Variants in DOCK3 observed in about 807,000 individuals in gnomAD.
The protein encoded by DOCK3 is dedicator of cytokinesis protein 3.
A neutral mutation model predicts 265.6 loss-of-function variants in DOCK3; 60 were observed. The observed-to-expected ratio is 0.23, with a 90% confidence interval of 0.18 to 0.28. The LOEUF is 0.28. DOCK3 is among the 10% of genes least tolerant of loss of function. DOCK3 has a pLI of 1.00. For synonymous variants in DOCK3, 881 were observed against 938.0 expected (o/e 0.94, Z 1.11); for missense variants, 1,981 against 2,594.3 (o/e 0.76, Z 5.14).
At chr3:51,152,629 G>A (rs1435711312) in intron 10 of DOCK3, among the ~76,000 whole-genome samples, 2 of 152,138 alleles carry the variant, frequency 1.3e-5, no homozygotes, top group African/African-American at 2.4e-5. Context: ...CATCTTTGTG[G>A]TTTTATCTAA....
At chr3:51,025,918 C>T (rs1288533813) in intron 5 of DOCK3, among the ~76,000 whole-genome samples, 1 of 152,152 alleles carries the variant, frequency 6.6e-6, no homozygotes, top group Non-Finnish European at 1.5e-5. Context: ...CAGAGGCAGA[C>T]TCTCCCCTTC....
At chr3:51,189,675 G>C (rs1158545095) in intron 12 of DOCK3, among the ~76,000 whole-genome samples, 1 of 152,148 alleles carries the variant, frequency 6.6e-6, no homozygotes, top group Admixed American at 6.5e-5. Flanking sequence ...TGGGCACTTA[G>C]GTTGGTTCCA....
chr3:51,118,440 T>C (rs761003279), intron 9 of DOCK3, among the ~76,000 whole-genome samples: 4 of 152,178 alleles, frequency 2.6e-5, no homozygotes, highest in Non-Finnish European at 5.9e-5. Context: ...TTCTGTTGAT[T>C]TGGGGTAGAG....
chr3:50,704,492 A>G (rs574316681), intron 1 of DOCK3, among the ~76,000 whole-genome samples: 9 of 152,322 alleles, frequency 5.9e-5, no homozygotes, highest in African/African-American at 2.2e-4. Flanking sequence ...GTCTCATTAT[A>G]TAAGTATAAA....
At chr3:51,360,366 G>T in intron 46 of DOCK3, 145 bp from the exon 47 acceptor site, 1 of 1,084,138 alleles carries the variant, frequency 9.2e-7, no homozygotes, top group Non-Finnish European at 1.3e-6. Context: ...ATTGCCCAAA[G>T]GAAGTCAGCA....
chr3:50,996,836 C>T (rs189441796), intron 5 of DOCK3, among the ~76,000 whole-genome samples: 28 of 152,236 alleles, frequency 1.8e-4, no homozygotes, highest in Admixed American at 3.9e-4. Context: ...TGGTTCTGAT[C>T]GCATTTAGAA....
chr3:51,273,549 C>CT (rs1185176502), intron 24 of DOCK3, among the ~76,000 whole-genome samples: 2 of 152,316 alleles, frequency 1.3e-5, no homozygotes, highest in South Asian at 4.1e-4. Context: ...GTTACAAAAA[C>CT]TAAGTATGTT....
intron 3 of DOCK3, among the ~76,000 whole-genome samples, chr3:50,868,354 A>T (rs1045873614): frequency 6.6e-6 from 1 of 151,966 alleles, no homozygotes; most frequent in South Asian, 2.1e-4. Context: ...TTACAGGCGT[A>T]AGGCACCATG....
At chr3:51,264,856 A>ATAAC (rs2080074518) in intron 23 of DOCK3, among the ~76,000 whole-genome samples, 1 of 151,254 alleles carries the variant, frequency 6.6e-6, no homozygotes, top group Non-Finnish European at 1.5e-5. Context: ...AAATAAATAA[A>ATAAC]TAACTTAGAT....
chr3:51,366,090 G>A lies in DOCK3; in HGVS notation c.5293+3416G>A, dbSNP rs569988992. ...CCAGCTCCTCTTTGTACCTCTGGTC[G>A]AATTCGGCTGTGAATCCATCTGGTC... is the stretch of plus-strand genomic sequence containing the variant. On this transcript the variant is annotated intron_variant, in intron 49 of 52. Coordinates refer to ENST00000266037, the MANE Select transcript of DOCK3 (RefSeq NM_004947.5). Among the ~76,000 whole-genome samples the A allele has an allele frequency of 3.3e-5, 5 of 152,260 alleles. No individual in the cohort carries two copies. In the South Asian group the frequency reaches 6.2e-4, roughly 19 times the overall value.
intron 5 of DOCK3, among the ~76,000 whole-genome samples, chr3:51,008,618 T>C (rs2078788277): frequency 6.6e-6 from 1 of 152,224 alleles, no homozygotes; most frequent in African/African-American, 2.4e-5. Flanking sequence ...ATACCCTTTA[T>C]TTCTTTCTCT....
Position 50,787,306 on chromosome 3 carries a change from C to T in DOCK3, c.121+8548C>T, listed in dbSNP as rs147703653. 303 of 427,744 alleles carry T rather than the reference C, an allele frequency of 7.1e-4. 2 individuals are homozygous for T. Among genetic ancestry groups the T allele is most frequent in the South Asian group, 1.3e-3 (58 of 43,074 alleles). The allele number at this position is 427,744 out of a possible 1,614,324, so 26.5% of individuals were successfully genotyped here. ...ATCCCAGCACTTTGGGAGGCTGAGG[C>T]GGGCTGATCACCTGAGGTCAGGAGT... On this transcript the variant is annotated intron_variant, in intron 2 of 52. Transcript: ENST00000266037.
intron 4 of DOCK3, among the ~76,000 whole-genome samples, chr3:50,907,692 C>G (rs560569712): frequency 9.2e-5 from 14 of 152,154 alleles, no homozygotes; most frequent in Non-Finnish European, 1.9e-4. Flanking sequence ...ACTGATGGGT[C>G]TTGACTCTAT....
At chr3:50,925,226 A>G (rs534768262) in intron 4 of DOCK3, among the ~76,000 whole-genome samples, 1 of 152,352 alleles carries the variant, frequency 6.6e-6, no homozygotes, top group African/African-American at 2.4e-5. Flanking sequence ...TGAAAGAGAA[A>G]ATGAACTCTT....
At chr3:50,982,520 C>T (rs2077730917) in intron 5 of DOCK3, among the ~76,000 whole-genome samples, 2 of 152,136 alleles carry the variant, frequency 1.3e-5, no homozygotes, top group Non-Finnish European at 2.9e-5. Flanking sequence ...CTCATGTCCC[C>T]AAGGCAGCCG....
intron 5 of DOCK3, among the ~76,000 whole-genome samples, chr3:51,029,734 C>T (rs758332035): frequency 2.6e-5 from 4 of 152,176 alleles, no homozygotes; most frequent in Admixed American, 6.5e-5. Flanking sequence ...TCATGCTTGC[C>T]AGAGTCAGAG....
chr3:51,211,954 T>G (rs902976256), intron 13 of DOCK3, among the ~76,000 whole-genome samples: 11 of 152,204 alleles, frequency 7.2e-5, no homozygotes, highest in African/African-American at 2.7e-4. Flanking sequence ...GCCAAGGGAC[T>G]GGGTGTTGCA....
chr3:50,981,289 A>C (rs1408849825), intron 5 of DOCK3, among the ~76,000 whole-genome samples: 1 of 152,204 alleles, frequency 6.6e-6, no homozygotes, highest in Non-Finnish European at 1.5e-5. Context: ...GTTTTATTCC[A>C]TTGTGACAGA....
chr3:51,187,610 G>A (rs2087686559), intron 12 of DOCK3, among the ~76,000 whole-genome samples: 1 of 152,106 alleles, frequency 6.6e-6, no homozygotes, highest in South Asian at 2.1e-4. Context: ...TCATCTTGTA[G>A]CTCTCATAAT....
Sources: allele counts gnomAD v4.1 joint callset (sites outside exome capture counted in the v4.1 genomes callset), GRCh38; gene constraint gnomAD v4.1.1; transcripts MANE v1.5; gene names NCBI Gene and HGNC (gene_info 2026-07-23, HGNC 2026-07-21).